Variants in HDGFL2 observed in about 807,000 individuals in gnomAD.
HDGFL2 encodes hepatoma-derived growth factor-related protein 2.
HDGFL2 carries 36 observed loss-of-function variants against 77.1 expected under a neutral mutation model. That is an observed-to-expected ratio of 0.47 (90% CI 0.36 to 0.62). The LOEUF is 0.62. HDGFL2 is among the 20% of genes least tolerant of loss of function. The pLI is 0.00. For synonymous variants in HDGFL2, 463 were observed against 413.1 expected (o/e 1.12, Z -1.46); for missense variants, 976 against 973.4 (o/e 1.00, Z -0.04).
chr19:4,496,048 G>A (rs1975692865), intron 9 of HDGFL2, among the ~76,000 whole-genome samples: 1 of 152,114 alleles, frequency 6.6e-6, no homozygotes, highest in South Asian at 2.1e-4. Context: ...TTCAGCCACA[G>A]CCCAGGACTG....
intron 3 of HDGFL2, among the ~76,000 whole-genome samples, chr19:4,484,272 C>G (rs1975300494): frequency 6.6e-6 from 1 of 150,482 alleles, no homozygotes; most frequent in Non-Finnish European, 1.5e-5. Flanking sequence ...TTAGTAGAGA[C>G]AGCATTTGGC....
chr19:4,476,085 T>G (rs1452092977), intron 3 of HDGFL2, among the ~76,000 whole-genome samples: 6 of 150,506 alleles, frequency 4.0e-5, no homozygotes, highest in Non-Finnish European at 8.8e-5. Flanking sequence ...AGAGACAGGG[T>G]TTCACTGTGT....
intron 9 of HDGFL2, among the ~76,000 whole-genome samples, chr19:4,495,214 T>C (rs368190420): frequency 4.7e-4 from 72 of 151,896 alleles, no homozygotes; most frequent in East Asian, 4.3e-3. Flanking sequence ...GGTGAAACCC[T>C]GTCTCTACTA....
rs1374090184 is a variant in HDGFL2, at chr19:4,498,005, T to C, written c.1376T>C (p.Met459Thr). 6.4e-7 allele frequency: 1 copy of C among 1,556,546 alleles called. No individual in the cohort carries two copies. Among genetic ancestry groups the C allele is most frequent in the Non-Finnish European group, 8.7e-7 (1 of 1,149,716 alleles). The change falls in exon 11 of 16, where the codon ATG becomes ACG. Residue 459 changes from methionine to threonine, a missense_variant. This residue lies in a region of HDGFL2 where 567 missense variants were observed against 534.7 expected (regional missense o/e 1.06). Transcript: ENST00000616600. Reference sequence around the variant, plus strand: ...CGGAAGCGGTCCGAGGGCTTCTCGATGGACAGGAAGGTAGAGAAGAAGAAA... The same window carrying C: ...CGGAAGCGGTCCGAGGGCTTCTCGACGGACAGGAAGGTAGAGAAGAAGAAA... The part of the protein sequence containing the change: ...RTRKRSEGFS[M>T]DRKVEKKKEP...
rs1406527925 is a variant in HDGFL2, at chr19:4,489,739, A to G, written c.489+863A>G. ...TTAATATAATTGTTTTTCAGTATGC[A>G]TTTAAAAAAAATTGAGTTATAGTCC... On this transcript the variant is annotated intron_variant, in intron 4 of 15. Transcript: ENST00000616600. Among the ~76,000 whole-genome samples the G allele has an allele frequency of 3.3e-5, 5 of 152,234 alleles. No individual in the cohort carries two copies. In the South Asian group the frequency reaches 1.0e-3, roughly 32 times the overall value.
intron 1 of HDGFL2, among the ~76,000 whole-genome samples, chr19:4,472,874 G>A (rs1449187291): frequency 6.7e-6 from 1 of 150,178 alleles, no homozygotes; most frequent in Non-Finnish European, 1.5e-5. Flanking sequence ...GGGTGTCCAA[G>A]CCCTGCAGGA....
At chr19:4,482,161 G>C (rs1975237936) in intron 3 of HDGFL2, among the ~76,000 whole-genome samples, 2 of 137,016 alleles carry the variant, frequency 1.5e-5, no homozygotes, top group African/African-American at 5.6e-5. Context: ...GCCTCCCACA[G>C]TGCTGGAATT....
chr19:4,479,312 C>T (rs535854070), intron 3 of HDGFL2, among the ~76,000 whole-genome samples: 33 of 150,958 alleles, frequency 2.2e-4, no homozygotes, highest in African/African-American at 5.3e-4. Flanking sequence ...GGCCGGGTGC[C>T]GTGGCTCATG....
chr19:4,498,988 G>GC (rs1295183978), intron 13 of HDGFL2, 73 bp downstream of exon 13: 1 of 1,063,262 alleles, frequency 9.4e-7, no homozygotes, highest in Non-Finnish European at 1.4e-6. Context: ...GGGAGCCCAG[G>GC]CCCCCAGCAG....
intron 1 of HDGFL2, among the ~76,000 whole-genome samples, 174 bp downstream of exon 1, chr19:4,472,596 TG>T (rs1974970432): frequency 7.3e-6 from 1 of 136,122 alleles, no homozygotes; most frequent in Admixed American, 7.1e-5. Flanking sequence ...GGCCCCGCCC[TG>T]GGGGTCTGGG....
intron 4 of HDGFL2, among the ~76,000 whole-genome samples, chr19:4,489,693 T>C (rs1168815063): frequency 6.6e-6 from 1 of 152,162 alleles, no homozygotes; most frequent in African/African-American, 2.4e-5. Context: ...TTAGCCATGG[T>C]GCCTGGCCTG....
chr19:4,496,315 C>T lies in HDGFL2; in HGVS notation c.1238C>T (p.Ala413Val), dbSNP rs754819527. Residue 413 changes from alanine to valine, a missense_variant, in exon 10 of 16, where the codon GCG becomes GTG. Physicochemically the swap from Ala to Val is moderately conservative, Grantham distance 64. Around this residue, in one of 5 missense-constraint regions of HDGFL2, gnomAD observed 567 missense variants for 534.7 expected, o/e 1.06. Transcript: ENST00000616600. The part of the protein sequence containing the change: ...AELEREAKKS[A>V]KKPQSSSTEP... ...TGACTGCTATAGGCCAAGAAATCAGCGAAGAAGCCGCAGTCCTCAAGCACA... is the reference window on the plus strand; with the variant it reads ...TGACTGCTATAGGCCAAGAAATCAGTGAAGAAGCCGCAGTCCTCAAGCACA... 9 of 1,613,952 alleles carry T rather than the reference C, an allele frequency of 5.6e-6. No individual in the cohort carries two copies. The highest frequency in any genetic ancestry group is 2.2e-5 in the East Asian group (1 of 44,880).
Position 4,501,936 on chromosome 19 carries a change from G to A in HDGFL2, c.1942G>A (p.Asp648Asn), listed in dbSNP as rs1975907211. ...HDSVREGPDLDRPGSDRQERE... is the reference protein window; with the variant it reads ...HDSVREGPDLNRPGSDRQERE... ...CAGCGTACGGGAGGGTCCCGACCTG[G>A]ACAGGCCTGGGAGCGACCGGCAGGA... The change falls in exon 16 of 16, where the codon GAC (aspartate) becomes AAC (asparagine). Residue 648 changes from aspartate (D) to asparagine (N), a missense_variant. Physicochemically the swap from Asp to Asn is conservative, Grantham distance 23. Coordinates refer to ENST00000616600, the MANE Select transcript of HDGFL2 (RefSeq NM_001001520.3). 3 of 1,489,884 alleles carry A rather than the reference G, an allele frequency of 2.0e-6. No individual in the cohort carries two copies. Among genetic ancestry groups the A allele is most frequent in the Non-Finnish European group, 2.7e-6 (3 of 1,125,662 alleles). The allele number at this position is 1,489,884 out of a possible 1,614,324, so 92.3% of individuals were successfully genotyped here. A position where few individuals can be genotyped will look rare whatever the true frequency, so the allele number is the denominator to read the frequency against.
intron 3 of HDGFL2, among the ~76,000 whole-genome samples, chr19:4,481,825 G>C (rs1028258683): frequency 3.9e-5 from 6 of 151,992 alleles, no homozygotes; most frequent in Non-Finnish European, 7.4e-5. Context: ...GGGAGAGTCC[G>C]GTGAGAAATT....
At chr19:4,501,128 C>A in intron 14 of HDGFL2, 63 bp from the exon 15 acceptor site, 1 of 1,603,088 alleles carries the variant, frequency 6.2e-7, no homozygotes, top group South Asian at 1.1e-5. Context: ...CCTTGACAGG[C>A]AAGGGTTCTG....
At chr19:4,492,631 TTTTG>T (rs370730331) in intron 6 of HDGFL2, among the ~76,000 whole-genome samples, 80 of 151,518 alleles carry the variant, frequency 5.3e-4, no homozygotes, top group African/African-American at 1.3e-3. Flanking sequence ...ATGGTGTGTG[TTTTG>T]TTTGTGTGTG....
intron 13 of HDGFL2, among the ~76,000 whole-genome samples, 171 bp downstream of exon 13, chr19:4,499,086 G>A (rs1232169555): frequency 3.3e-5 from 5 of 152,250 alleles, no homozygotes; most frequent in South Asian, 2.1e-4. Context: ...GGTGGCTCAC[G>A]CCTGTAATCC....
At position 4,494,245 on chromosome 19, in the gene HDGFL2, C is replaced by A; in HGVS notation, c.994C>A (p.Arg332=). ...ARRRELEARR[R]REQEEELRRL... Reference sequence around the variant, plus strand: ...GAGGCGCGAGCTGGAGGCCCGGCGGCGGCGAGAGCAGGAGGAGGAGCTGCG... The same window carrying A: ...GAGGCGCGAGCTGGAGGCCCGGCGGAGGCGAGAGCAGGAGGAGGAGCTGCG... The change falls in exon 9 of 16, where the codon CGG becomes AGG. Residue 332 remains arginine (R), a synonymous_variant. Transcript: ENST00000616600. 1.4e-6 allele frequency: 2 copies of A among 1,459,888 alleles called. No homozygotes were observed. Among genetic ancestry groups the A allele is most frequent in the Non-Finnish European group, 1.8e-6 (2 of 1,109,492 alleles). 90.4% of individuals were successfully genotyped at this position (1,459,888 alleles called of 1,614,324 possible).
intron 15 of HDGFL2, chr19:4,501,546 C>T (rs575188164): frequency 2.1e-5 from 11 of 512,824 alleles, no homozygotes; most frequent in South Asian, 3.1e-5. Flanking sequence ...TGCCCCTGGC[C>T]TCCTGGGAAG....
Sources: allele counts gnomAD v4.1 joint callset (sites outside exome capture counted in the v4.1 genomes callset), GRCh38; gene constraint gnomAD v4.1.1; regional missense constraint gnomAD v4.1.1; transcripts MANE v1.5; gene names NCBI Gene and HGNC (gene_info 2026-07-23, HGNC 2026-07-21).